Variants in CNBD1 observed in about 807,000 individuals in gnomAD.
CNBD1 encodes cyclic nucleotide-binding domain-containing protein 1.
Under a neutral mutation model 54.4 loss-of-function variants are expected in CNBD1, and 71 were observed. That is an observed-to-expected ratio of 1.30 (90% CI 1.08 to 1.59). The LOEUF is 1.59. Ranked by LOEUF, CNBD1 falls within the 40% of genes most tolerant of loss-of-function variation. The pLI is 0.00. For missense variants in CNBD1, 659 were observed against 518.0 expected, an observed-to-expected ratio of 1.27 and a Z score of -2.64; for synonymous variants, 182 against 170.7, an observed-to-expected ratio of 1.07 and a Z score of -0.51.
chr8:87,294,770 G>A (rs979506535), intron 8 of CNBD1, among the ~76,000 whole-genome samples: 1 of 151,968 alleles, frequency 6.6e-6, no homozygotes, highest in Non-Finnish European at 1.5e-5. Context: ...GGCTTCTTAT[G>A]GGCCTGTTTA....
intron 8 of CNBD1, among the ~76,000 whole-genome samples, chr8:87,337,975 T>C (rs1207972177): frequency 6.6e-6 from 1 of 152,202 alleles, no homozygotes; most frequent in Non-Finnish European, 1.5e-5. Context: ...TCTATTTTTG[T>C]CTTCTATATT....
intron 4 of CNBD1, among the ~76,000 whole-genome samples, chr8:87,001,213 G>C (rs966576136): frequency 2.6e-5 from 4 of 151,856 alleles, no homozygotes; most frequent in African/African-American, 9.7e-5. Flanking sequence ...ATGCTGATTA[G>C]GTGATTAATT....
chr8:87,267,017 T>G (rs1489899599), intron 6 of CNBD1, among the ~76,000 whole-genome samples: 2 of 152,126 alleles, frequency 1.3e-5, no homozygotes, highest in African/African-American at 4.8e-5. Context: ...TTGATACCTG[T>G]TTAAAATCAG....
intron 4 of CNBD1, among the ~76,000 whole-genome samples, chr8:86,996,289 G>C (rs1011964645): frequency 6.6e-6 from 1 of 152,096 alleles, no homozygotes; most frequent in South Asian, 2.1e-4. Flanking sequence ...TGTCTCACCA[G>C]GATTGTAAAC....
At chr8:87,224,155 T>C (rs1814418020) in intron 5 of CNBD1, among the ~76,000 whole-genome samples, 1 of 152,056 alleles carries the variant, frequency 6.6e-6, no homozygotes, top group African/African-American at 2.4e-5. Flanking sequence ...CTTTGTCAGA[T>C]GGGTAGGTTG....
rs774858429 is a variant in CNBD1 at position 87,183,389 on chromosome 8, T to G, written c.432-22604T>G. 1.2e-4 allele frequency among the ~76,000 whole-genome samples: 5 copies of G among 43,444 alleles called. No individual in the cohort carries two copies. The East Asian group carries it at 1.2e-3, about 10-fold the overall frequency. The allele number at this position is 43,444 out of a possible 152,430, so 28.5% of individuals were successfully genotyped here. ...TTGTTTGTTTTTGCGCTGTTTGTTT[T>G]TTTTTTTTTTTTTTGCTAATGATGG... On this transcript the variant is annotated intron_variant, in intron 4 of 10. Transcript: ENST00000518476.
chr8:86,939,805 G>C, intron 4 of CNBD1, 51 bp downstream of exon 4: 1 of 1,177,510 alleles, frequency 8.5e-7, no homozygotes, highest in Non-Finnish European at 1.2e-6. Flanking sequence ...TCTTTTGAAT[G>C]GCTTTATTTT....
chr8:86,945,537 C>T (rs1391603491), intron 4 of CNBD1, among the ~76,000 whole-genome samples: 1 of 152,116 alleles, frequency 6.6e-6, no homozygotes, highest in East Asian at 1.9e-4. Flanking sequence ...TTAAGGGCTG[C>T]ATGCTGATCA....
intron 4 of CNBD1, among the ~76,000 whole-genome samples, chr8:87,170,963 CT>C (rs1563494514): frequency 6.6e-6 from 1 of 152,016 alleles, no homozygotes; most frequent in African/African-American, 2.4e-5. Context: ...AGATATTGGT[CT>C]GTAGGTTTTT....
chr8:86,886,439 T>TTATATGATATGATATGGATA (rs1808681736), intron 1 of CNBD1, among the ~76,000 whole-genome samples: 1 of 152,176 alleles, frequency 6.6e-6, no homozygotes, highest in African/African-American at 2.4e-5. Context: ...ATGATATGAT[T>TTATATGATATGATATGGATA]TATATGATAT....
intron 6 of CNBD1, among the ~76,000 whole-genome samples, chr8:87,238,305 T>C (rs1402353538): frequency 1.3e-5 from 2 of 152,106 alleles, no homozygotes; most frequent in Non-Finnish European, 2.9e-5. Flanking sequence ...AAGAAACCAA[T>C]GTGGAAACTC....
chr8:87,290,495 G>A (rs1177930474), intron 8 of CNBD1, among the ~76,000 whole-genome samples: 1 of 152,086 alleles, frequency 6.6e-6, no homozygotes, highest in Non-Finnish European at 1.5e-5. Flanking sequence ...ATGAGTAAGA[G>A]AAGAATGGAT....
intron 4 of CNBD1, among the ~76,000 whole-genome samples, chr8:87,121,602 T>C (rs1264920402): frequency 1.3e-5 from 2 of 151,706 alleles, no homozygotes; most frequent in Admixed American, 6.6e-5. Flanking sequence ...CTATGCAGTA[T>C]ATCACAAACC....
intron 2 of CNBD1, among the ~76,000 whole-genome samples, chr8:86,898,709 A>G (rs1377120636): frequency 2.0e-5 from 3 of 152,192 alleles, no homozygotes; most frequent in Non-Finnish European, 2.9e-5. Context: ...ATGCAAAAGT[A>G]TAAAACCATA....
intron 2 of CNBD1, among the ~76,000 whole-genome samples, chr8:87,427,690 A>T (rs534944407): frequency 2.6e-5 from 4 of 152,294 alleles, no homozygotes; most frequent in Non-Finnish European, 5.9e-5. Flanking sequence ...GTAGTTAAAG[A>T]ATGAGGTTAT....
intron 4 of CNBD1, among the ~76,000 whole-genome samples, chr8:87,036,594 TAAAAAAAAAAA>T (rs58299323): frequency 3.1e-5 from 2 of 64,744 alleles, no homozygotes; most frequent in African/African-American, 6.0e-5. Flanking sequence ...ACTGCATCTC[TAAAAAAAAAAA>T]AAAAAAAAAA....
intron 6 of CNBD1, among the ~76,000 whole-genome samples, chr8:87,248,887 G>A (rs532520026): frequency 7.2e-5 from 11 of 152,216 alleles, no homozygotes; most frequent in African/African-American, 2.6e-4. Flanking sequence ...AACAGAAGTG[G>A]TAAATAAAAT....
At chr8:87,371,789 C>G (rs553472722) in intron 10 of CNBD1, among the ~76,000 whole-genome samples, 19 of 151,962 alleles carry the variant, frequency 1.3e-4, no homozygotes, top group Admixed American at 5.3e-4. Context: ...ATTCAACAAC[C>G]CTTCATGCTA....
At chr8:87,219,627 C>G (rs958488418) in intron 5 of CNBD1, among the ~76,000 whole-genome samples, 2 of 152,070 alleles carry the variant, frequency 1.3e-5, no homozygotes, top group African/African-American at 4.8e-5. Flanking sequence ...ATACTAAATA[C>G]AGACTTGGAG....
Sources: gnomAD v4.1 joint callset for allele counts (sites outside exome capture counted in the v4.1 genomes callset) on GRCh38, gnomAD v4.1.1 for gene constraint, MANE v1.5 for transcripts, NCBI Gene and HGNC (gene_info 2026-07-23, HGNC 2026-07-21) for gene names.